Variants in SNX29 observed in about 807,000 individuals in gnomAD.
SNX29 encodes the protein sorting nexin-29.
A neutral mutation model predicts 102.1 loss-of-function variants in SNX29; 78 were observed. The observed-to-expected ratio is 0.76, with a 90% CI of 0.64 to 0.92. The LOEUF is 0.92. SNX29 is among the 40% of genes least tolerant of loss of function. The pLI is 0.00. For synonymous variants in SNX29, 580 were observed against 414.5 expected (o/e 1.40, Z -4.85); for missense variants, 1,280 against 1,061.7 (o/e 1.21, Z -2.86).
intron 16 of SNX29, among the ~76,000 whole-genome samples, chr16:12,363,767 G>C (rs1034273290): frequency 2.0e-5 from 3 of 152,320 alleles, no homozygotes; most frequent in African/African-American, 4.8e-5. Flanking sequence ...TGCAGGTTGA[G>C]TAGCTCTTTT....
At chr16:12,403,577 C>A in intron 18 of SNX29, 48 bp downstream of exon 18, 1 of 1,535,216 alleles carries the variant, frequency 6.5e-7, no homozygotes. Flanking sequence ...TGGAAAAACG[C>A]CCATTTGTCA....
At chr16:12,151,442 T>A (rs555127474) in intron 13 of SNX29, among the ~76,000 whole-genome samples, 38 of 152,242 alleles carry the variant, frequency 2.5e-4, no homozygotes, top group Non-Finnish European at 4.7e-4. Context: ...GCCATTCTTA[T>A]GTGTACAACA....
chr16:12,564,174 G>A (rs1052721296), intron 20 of SNX29, among the ~76,000 whole-genome samples: 1 of 152,090 alleles, frequency 6.6e-6, no homozygotes, highest in African/African-American at 2.4e-5. Context: ...GATTGCTTGA[G>A]TTCAGGAGTT....
At chr16:12,430,136 T>C (rs747719215) in intron 18 of SNX29, among the ~76,000 whole-genome samples, 1 of 152,218 alleles carries the variant, frequency 6.6e-6, no homozygotes, top group Non-Finnish European at 1.5e-5. Context: ...TTCATGCTCC[T>C]TATGAGAATC....
At chr16:12,497,529 G>T (rs944970605) in intron 19 of SNX29, among the ~76,000 whole-genome samples, 1 of 152,316 alleles carries the variant, frequency 6.6e-6, no homozygotes, top group East Asian at 1.9e-4. Context: ...CTTGTGTAAC[G>T]AGAGGCTTAG....
intron 18 of SNX29, among the ~76,000 whole-genome samples, chr16:12,412,864 C>G (rs1473774263): frequency 6.6e-6 from 1 of 152,196 alleles, no homozygotes; most frequent in East Asian, 1.9e-4. Context: ...AGATCATACT[C>G]TCAGTAGCAA....
intron 16 of SNX29, chr16:12,373,818 G>A (rs1199426586): frequency 6.6e-6 from 1 of 152,212 alleles, no homozygotes; most frequent in Non-Finnish European, 1.5e-5. Context: ...ACCACCAAGG[G>A]ACTGTGGGTT....
At chr16:12,131,824 G>A (rs78598664) in intron 13 of SNX29, among the ~76,000 whole-genome samples, 1 of 152,200 alleles carries the variant, frequency 6.6e-6, no homozygotes, top group Non-Finnish European at 1.5e-5. Context: ...CTTATTGAAT[G>A]TTGGCGCTAT....
intron 15 of SNX29, among the ~76,000 whole-genome samples, chr16:12,341,663 A>C (rs2081613648): frequency 6.6e-6 from 1 of 152,194 alleles, no homozygotes; most frequent in Non-Finnish European, 1.5e-5. Flanking sequence ...TGGCTTTCTC[A>C]CTTAGTGTTA....
At chr16:12,362,778 C>T (rs145252316) in intron 16 of SNX29, among the ~76,000 whole-genome samples, 83 of 152,098 alleles carry the variant, frequency 5.5e-4, no homozygotes, top group African/African-American at 1.8e-3. Context: ...TGACATGTGT[C>T]TCTCCCTTCC....
intron 4 of SNX29, among the ~76,000 whole-genome samples, chr16:12,028,590 C>A (rs138560346): frequency 5.9e-5 from 9 of 152,106 alleles, no homozygotes; most frequent in Middle Eastern, 3.4e-3. Flanking sequence ...TCTCAAACTC[C>A]TAGGCTCAAG....
At chr16:12,129,605 A>G in intron 12 of SNX29, 25 bp from the exon 13 acceptor site, 1 of 1,597,220 alleles carries the variant, frequency 6.3e-7, no homozygotes, top group Non-Finnish European at 8.5e-7. Context: ...ACAGCTTCTG[A>G]ACAGATGGGT....
intron 3 of SNX29, among the ~76,000 whole-genome samples, chr16:12,014,059 A>T (rs1596593983): frequency 6.6e-6 from 1 of 152,110 alleles, no homozygotes; most frequent in East Asian, 1.9e-4. Flanking sequence ...AAACTCCCAA[A>T]TAGCTGAGAC....
intron 18 of SNX29, among the ~76,000 whole-genome samples, chr16:12,471,959 G>A (rs12918210): frequency 3.3e-5 from 5 of 152,038 alleles, no homozygotes; most frequent in Admixed American, 3.3e-4. Context: ...GTCTATGACT[G>A]CAAAAGACAC....
chr16:12,009,716 A>G (rs1174343997), intron 3 of SNX29, among the ~76,000 whole-genome samples: 2 of 152,150 alleles, frequency 1.3e-5, no homozygotes, highest in African/African-American at 2.4e-5. Flanking sequence ...CTCTAGGAAC[A>G]AAGACTCGTT....
At chr16:12,147,809 G>A (rs912348771) in intron 13 of SNX29, among the ~76,000 whole-genome samples, 1 of 152,216 alleles carries the variant, frequency 6.6e-6, no homozygotes, top group Admixed American at 6.5e-5. Flanking sequence ...TGAAGCCTGG[G>A]TCTTAAATAT....
At chr16:12,042,852 A>C (rs144877326) in intron 4 of SNX29, 45 bp from the exon 5 acceptor site, 3 of 1,562,378 alleles carry the variant, frequency 1.9e-6, no homozygotes, top group Non-Finnish European at 2.6e-6. Flanking sequence ...CCCAGTGCTG[A>C]GTGCCCCAGG....
At chr16:12,304,136 A>C (rs564008327) in intron 15 of SNX29, among the ~76,000 whole-genome samples, 1 of 151,828 alleles carries the variant, frequency 6.6e-6, no homozygotes, top group South Asian at 2.1e-4. Context: ...CCCTTGACCA[A>C]GTGGTCAGAT....
At chr16:12,404,695 T>C (rs1388333755) in intron 18 of SNX29, among the ~76,000 whole-genome samples, 1 of 152,220 alleles carries the variant, frequency 6.6e-6, no homozygotes, top group Non-Finnish European at 1.5e-5. Context: ...ACACTGAACT[T>C]GAAAGCGGAA....
Sources: gnomAD v4.1 joint callset for allele counts (sites outside exome capture counted in the v4.1 genomes callset) on GRCh38, gnomAD v4.1.1 for gene constraint, MANE v1.5 for transcripts, NCBI Gene and HGNC (gene_info 2026-07-23, HGNC 2026-07-21) for gene names.